The following PLEKHG4B variants were observed in gnomAD, a reference collection of about 807,000 sequenced individuals.
The protein encoded by PLEKHG4B is pleckstrin homology and RhoGEF domain containing G4B, also known as pleckstrin homology domain-containing family G member 4B.
A neutral mutation model predicts 121.3 loss-of-function variants in PLEKHG4B; 111 were observed. The observed-to-expected ratio is 0.92, with a 90% confidence interval of 0.78 to 1.07. PLEKHG4B has a LOEUF of 1.07. PLEKHG4B is among the 50% of genes least tolerant of loss of function. The probability of loss-of-function intolerance (pLI) is 0.00; values close to 1 mark genes in which losing one functional copy is unlikely to be tolerated. For synonymous variants in PLEKHG4B, 738 were observed against 725.0 expected, an observed-to-expected ratio of 1.02 and a Z score of -0.29; for missense variants, 1,831 against 1,757.8, an observed-to-expected ratio of 1.04 and a Z score of -0.74.
intron 17 of PLEKHG4B, 44 bp downstream of exon 17, chr5:173,111 C>A (rs767349018): frequency 1.3e-6 from 2 of 1,591,114 alleles, no homozygotes; most frequent in Non-Finnish European, 1.7e-6. Flanking sequence ...GAGCCAGGCC[C>A]TCCAAGGGGG....
chr5:116,713 C>T (rs1464944375), intron 2 of PLEKHG4B, among the ~76,000 whole-genome samples: 1 of 152,202 alleles, frequency 6.6e-6, no homozygotes, highest in Non-Finnish European at 1.5e-5. Context: ...CTTAGCACTC[C>T]ACTGAAATTG....
In PLEKHG4B at chr5:143,223, G is replaced by A; in HGVS notation, c.1654G>A (p.Glu552Lys). 2.5e-6 allele frequency: 4 copies of A among 1,610,950 alleles called. No homozygotes were observed. Among genetic ancestry groups the A allele is most frequent in the Non-Finnish European group, 2.5e-6 (3 of 1,180,014 alleles). ...CAAGCAGGTGCTGGACGTCAGTCAGGAGCTGCTGCAGTCCGGGGTCGTCAC... is the reference window on the plus strand; with the variant it reads ...CAAGCAGGTGCTGGACGTCAGTCAGAAGCTGCTGCAGTCCGGGGTCGTCAC... ...VPKQVLDVSQELLQSGVVTLP... is the reference protein window; with the variant it reads ...VPKQVLDVSQKLLQSGVVTLP... The change falls in exon 4 of 20, where the codon GAG (glutamate) becomes AAG (lysine). Residue 552 changes from glutamate to lysine, a missense_variant. Transcript: ENST00000637938.
At position 163,102 on chromosome 5, in the gene PLEKHG4B, C is replaced by T. The variant is rs201568013; in HGVS notation, c.3030C>T (p.Ser1010=). 3.9e-5 allele frequency: 61 copies of T among 1,563,830 alleles called. No individual in the cohort carries two copies. Among genetic ancestry groups the T allele is most frequent in the East Asian group, 1.2e-4 (5 of 42,686 alleles). ...CCTGGGAACCTGCGCAACCACTGTC[C>T]GGCCTCCCTGGACGAGCGCTTCTGT... ...GGAWEPAQPL[S]GLPGRALLCG... Residue 1010 remains serine (S), a synonymous_variant, in exon 13 of 20, where the codon TCC becomes TCT. Coordinates refer to ENST00000637938, the MANE Select transcript of PLEKHG4B (RefSeq NM_052909.5).
Position 163,245 on chromosome 5 carries a change from CCT to C in PLEKHG4B, c.3174_3175del (p.Cys1059PhefsTer3). ...ACGGCCCACCTGGAGGACAGCTCTG[CCT>C]GTTCCTCTGAGCCCACCCAGACCCT... On this transcript the variant is annotated frameshift_variant, in exon 13 of 20. Transcript: ENST00000637938. LOFTEE classifies it high-confidence loss of function. The C allele has an allele frequency of 6.2e-7, 1 of 1,610,536 alleles. No individual in the cohort carries two copies. Among genetic ancestry groups the C allele is most frequent in the Non-Finnish European group, 8.5e-7 (1 of 1,178,748 alleles).
At chr5:153,671 T>G (rs909460620) in intron 7 of PLEKHG4B, among the ~76,000 whole-genome samples, 8 of 152,184 alleles carry the variant, frequency 5.3e-5, no homozygotes, top group Non-Finnish European at 5.9e-5. Context: ...ATTTTCTTAT[T>G]GTTTTTATAT....
chr5:173,950 G>C lies in PLEKHG4B; in HGVS notation c.4254G>C (p.Gly1418=). 6.2e-7 allele frequency: 1 copy of C among 1,613,592 alleles called. No homozygotes were observed. The highest frequency in any genetic ancestry group is 8.5e-7 in the Non-Finnish European group (1 of 1,179,906). ...AGATCGGGATGACAGAGAACGTCGGGGACAGTGGCTTGAGGTTTGAGATTT... is the reference window on the plus strand; with the variant it reads ...AGATCGGGATGACAGAGAACGTCGGCGACAGTGGCTTGAGGTTTGAGATTT... The part of the protein sequence containing the change: ...TAEIGMTENV[G]DSGLRFEIWF... The change falls in exon 18 of 20, where the codon GGG becomes GGC. Residue 1418 remains glycine (G), a synonymous_variant. Transcript: ENST00000637938.
At chr5:161,501 C>T (rs1453698868) in intron 11 of PLEKHG4B, among the ~76,000 whole-genome samples, 14 of 152,210 alleles carry the variant, frequency 9.2e-5, no homozygotes, top group Admixed American at 2.0e-4. Flanking sequence ...ATGACCAAGA[C>T]GCATCCCTCC....
At chr5:98,030 T>A (rs1733679912) in intron 1 of PLEKHG4B, among the ~76,000 whole-genome samples, 1 of 152,198 alleles carries the variant, frequency 6.6e-6, no homozygotes, top group African/African-American at 2.4e-5. Context: ...TTTCATTATA[T>A]CTATATATCT....
rs184182416 is a variant in PLEKHG4B at position 135,614 on chromosome 5, C to T, written c.244-3869C>T. Among the ~76,000 whole-genome samples the T allele has an allele frequency of 2.9e-3, 390 of 135,036 alleles. 1 individual carries two copies. Among genetic ancestry groups the T allele is most frequent in the African/African-American group, 0.01 (368 of 36,030 alleles). The allele number at this position is 135,036 out of a possible 152,430, so 88.6% of individuals were successfully genotyped here. On this transcript the variant is annotated intron_variant, in intron 2 of 19. Transcript: ENST00000637938. Reference sequence around the variant, plus strand: ...CCTGGAGGCAGAGCTTGCAGTGAGCCGAGATTATGTCACTGCACTCCAGCC... The same window carrying T: ...CCTGGAGGCAGAGCTTGCAGTGAGCTGAGATTATGTCACTGCACTCCAGCC...
chr5:145,519 C>A (rs1735378244), intron 6 of PLEKHG4B, among the ~76,000 whole-genome samples: 1 of 152,210 alleles, frequency 6.6e-6, no homozygotes, highest in Admixed American at 6.5e-5. Flanking sequence ...TGCCACCATG[C>A]CCGGCTAATT....
chr5:106,726 G>A (rs1054277996), intron 1 of PLEKHG4B, among the ~76,000 whole-genome samples: 3 of 152,222 alleles, frequency 2.0e-5, no homozygotes, highest in South Asian at 2.1e-4. Flanking sequence ...CGTGAGAGCC[G>A]GAGCCCAGGG....
intron 9 of PLEKHG4B, 99 bp from the exon 10 acceptor site, chr5:155,972 T>C: frequency 8.0e-7 from 1 of 1,245,720 alleles, no homozygotes; most frequent in Non-Finnish European, 1.1e-6. Flanking sequence ...GCCTGCAGCT[T>C]GATTTATGGA....
In PLEKHG4B at chr5:187,568, C is replaced by G. The variant is rs1178308311; in HGVS notation, c.*5245C>G. ...AACAAAACCCCCAAGCCTCAGGCCT[C>G]AGGCTGGTTTTCTGACAGGCAAAAT... is the stretch of plus-strand genomic sequence containing the variant. On this transcript the variant is annotated 3_prime_UTR_variant, in exon 20 of 20. Coordinates refer to ENST00000637938, the MANE Select transcript of PLEKHG4B (RefSeq NM_052909.5). 1.3e-5 allele frequency: 2 copies of G among 152,326 alleles called. No individual in the cohort carries two copies. The highest frequency in any genetic ancestry group is 4.8e-5 in the African/African-American group (2 of 41,452). 9.4% of individuals were successfully genotyped at this position (152,326 alleles called of 1,614,324 possible). A position where few individuals can be genotyped will look rare whatever the true frequency, so the allele number is the denominator to read the frequency against.
At position 182,398 on chromosome 5, in the gene PLEKHG4B, C is replaced by G; in HGVS notation, c.*75C>G. On this transcript the variant is annotated 3_prime_UTR_variant, in exon 20 of 20. Transcript: ENST00000637938. ...GAGCAGCACGCCAGGCCTGATGACT[C>G]TGGGGGTGGCGGTGCCCATCGCGTG... is the stretch of plus-strand genomic sequence containing the variant. 1 of 1,444,150 alleles carries G rather than the reference C, an allele frequency of 6.9e-7. No homozygotes were observed. Among genetic ancestry groups the G allele is most frequent in the South Asian group, 1.3e-5 (1 of 76,196 alleles). The allele number at this position is 1,444,150 out of a possible 1,614,324, so 89.5% of individuals were successfully genotyped here.
chr5:135,660 C>T (rs1235973137), intron 2 of PLEKHG4B, among the ~76,000 whole-genome samples: 2 of 29,852 alleles, frequency 6.7e-5, no homozygotes. Context: ...AGCAAGACTC[C>T]ATCTCAAAAA....
At chr5:164,337 G>GT (rs1560944196) in intron 13 of PLEKHG4B, among the ~76,000 whole-genome samples, 1 of 152,200 alleles carries the variant, frequency 6.6e-6, no homozygotes, top group East Asian at 1.9e-4. Context: ...GTGCAGTAGT[G>GT]TTCGTGCTTC....
At position 139,378 on chromosome 5, in the gene PLEKHG4B, GGGA is replaced by G; in HGVS notation, c.244-103_244-101del. 2.5e-6 allele frequency: 1 copy of G among 398,498 alleles called. No homozygotes were observed. The highest frequency in any genetic ancestry group is 4.4e-6 in the Non-Finnish European group (1 of 226,364). 24.7% of individuals were successfully genotyped at this position (398,498 alleles called of 1,614,324 possible). A position where few individuals can be genotyped will look rare whatever the true frequency, so the allele number is the denominator to read the frequency against. ...AGCCCCCGTGAGACCCCTTCCTTGTGGGAGCTCAGTCACTGACCTTCCCCTGAG... is the reference window on the plus strand; with the variant it reads ...AGCCCCCGTGAGACCCCTTCCTTGTGGCTCAGTCACTGACCTTCCCCTGAG... On this transcript the variant is annotated intron_variant, in intron 2 of 19. Transcript: ENST00000637938. The surrounding 1 kb of genome is among the most constrained non-coding windows in gnomAD (Gnocchi z 5.0).
chr5:102,887 C>G (rs1733864299), intron 1 of PLEKHG4B, among the ~76,000 whole-genome samples: 1 of 152,164 alleles, frequency 6.6e-6, no homozygotes, highest in African/African-American at 2.4e-5. Context: ...TGGCTTTTTT[C>G]TGCTGAGTCT....
In PLEKHG4B at chr5:139,441, A is replaced by G. The variant is rs1237455417; in HGVS notation, c.244-42A>G. 5.0e-6 allele frequency: 2 copies of G among 398,762 alleles called. No homozygotes were observed. The highest frequency in any genetic ancestry group is 8.8e-6 in the Non-Finnish European group (2 of 226,138). The allele number at this position is 398,762 out of a possible 1,614,324, so 24.7% of individuals were successfully genotyped here. ...CCCAGGGCATGGAAGGGCTCAGGAC[A>G]TGGCCGTGCCCACCACTAACCTCCC... On this transcript the variant is annotated intron_variant, in intron 2 of 19. Transcript: ENST00000637938. The surrounding 1 kb of genome is among the most constrained non-coding windows in gnomAD (Gnocchi z 5.0).
Sources: gnomAD v4.1 joint callset for allele counts (sites outside exome capture counted in the v4.1 genomes callset) on GRCh38, gnomAD v4.1.1 for gene constraint, Gnocchi (gnomAD v3.1) non-coding constraint, MANE v1.5 for transcripts, NCBI Gene and HGNC (gene_info 2026-07-23, HGNC 2026-07-21) for gene names.